ZNF10: variants seen among roughly 807,000 people sequenced by gnomAD.
ZNF10 encodes the protein zinc finger protein 10.
ZNF10 carries 8 observed loss-of-function variants against 12.2 expected under a neutral mutation model. The ratio of observed to expected loss-of-function variants is 0.66; its 90% CI spans 0.39 to 1.18. The LOEUF (loss-of-function observed/expected upper bound fraction) is 1.18. Ranked by LOEUF, ZNF10 falls within the 50% of genes most tolerant of loss-of-function variation. The pLI is 0.01. For missense variants in ZNF10, 603 were observed against 678.9 expected (o/e 0.89, Z 1.24); for synonymous variants, 229 against 228.2 (o/e 1.00, Z -0.03).
intron 2 of ZNF10, 138 bp from the exon 3 acceptor site, chr12:133,150,890 A>T: frequency 1.0e-6 from 1 of 967,884 alleles, no homozygotes; most frequent in Non-Finnish European, 1.5e-6. Flanking sequence ...AATACTACTC[A>T]CTCCTAGAAT....
intron 1 of ZNF10, among the ~76,000 whole-genome samples, chr12:133,142,360 A>T (rs1168348425): frequency 2.1e-5 from 3 of 144,322 alleles, no homozygotes; most frequent in Non-Finnish European, 4.5e-5. Flanking sequence ...CAGTGAACTG[A>T]GATCTTGCCA....
intron 1 of ZNF10, among the ~76,000 whole-genome samples, chr12:133,133,997 TAAAAGTA>T (rs1955895549): frequency 6.6e-6 from 1 of 151,976 alleles, no homozygotes; most frequent in African/African-American, 2.4e-5. Flanking sequence ...CAGGGGTCCT[TAAAAGTA>T]AAAGAGCTGG....
rs76124812 is a variant in ZNF10, at chr12:133,151,977, G to T, written c.256+73G>T. Reference sequence around the variant, plus strand: ...TGAGGTGCCAGAACTTCTAGAGATAGTGGTCACTGGCCCTCCTCACAGGCC... The same window carrying T: ...TGAGGTGCCAGAACTTCTAGAGATATTGGTCACTGGCCCTCCTCACAGGCC... On this transcript the variant is annotated intron_variant, in intron 4 of 4. Transcript: ENST00000248211. The T allele has an allele frequency of 3.7e-3, 4,433 of 1,202,090 alleles. 90 individuals carry two copies. The African/African-American group carries it at 0.058, about 16-fold the overall frequency. The allele number at this position is 1,202,090 out of a possible 1,614,324, so 74.5% of individuals were successfully genotyped here. A position where few individuals can be genotyped will look rare whatever the true frequency, so the allele number is the denominator to read the frequency against.
chr12:133,145,030 G>GCAA, intron 2 of ZNF10: 1 of 320,922 alleles, frequency 3.1e-6, no homozygotes, highest in Non-Finnish European at 6.1e-6. Context: ...CTACAGGCGT[G>GCAA]TGCCACTATG....
intron 4 of ZNF10, among the ~76,000 whole-genome samples, chr12:133,152,889 C>T (rs1956017223): frequency 1.3e-5 from 2 of 152,318 alleles, no homozygotes; most frequent in African/African-American, 2.4e-5. Context: ...GCCTCTTCCT[C>T]TTCTGAACTT....
intron 1 of ZNF10, among the ~76,000 whole-genome samples, chr12:133,133,798 A>T (rs1955894493): frequency 6.6e-6 from 1 of 152,186 alleles, no homozygotes. Flanking sequence ...TCTTGCCGAT[A>T]CTTGGAGCTT....
intron 4 of ZNF10, among the ~76,000 whole-genome samples, chr12:133,155,178 T>C (rs564668118): frequency 3.9e-5 from 6 of 152,260 alleles, no homozygotes; most frequent in Admixed American, 3.3e-4. Context: ...GAACTTAGAC[T>C]GTTAATATCT....
intron 1 of ZNF10, among the ~76,000 whole-genome samples, chr12:133,133,178 GC>G (rs1239961061): frequency 4.6e-5 from 7 of 152,082 alleles, no homozygotes; most frequent in African/African-American, 1.7e-4. Flanking sequence ...GTATATCTTT[GC>G]CATGTCTATT....
At chr12:133,132,269 A>ATTT (rs34602690) in intron 1 of ZNF10, among the ~76,000 whole-genome samples, 1 of 141,108 alleles carries the variant, frequency 7.1e-6, no homozygotes, top group South Asian at 2.2e-4. Context: ...AAATCTGAGA[A>ATTT]TTTTTTTTTT....
At chr12:133,145,234 TAAAC>T (rs1487777757) in intron 2 of ZNF10, among the ~76,000 whole-genome samples, 2 of 152,064 alleles carry the variant, frequency 1.3e-5, no homozygotes, top group African/African-American at 4.8e-5. Context: ...TTGAAAATAA[TAAAC>T]AACACAATTC....
intron 1 of ZNF10, among the ~76,000 whole-genome samples, chr12:133,142,579 A>G (rs541017084): frequency 1.9e-4 from 29 of 152,338 alleles, no homozygotes; most frequent in African/African-American, 6.7e-4. Flanking sequence ...ACACATGGCT[A>G]GTAAGCACAT....
At chr12:133,131,162 G>A (rs1955872715) in intron 1 of ZNF10, 1 of 152,056 alleles carries the variant, frequency 6.6e-6, no homozygotes, top group South Asian at 2.1e-4. Flanking sequence ...ATTCGTGTGT[G>A]GTCTTTTAAA....
rs1446470920 is a variant in ZNF10 at position 133,155,992 on chromosome 12, A to G, written c.746A>G (p.His249Arg). ...CCTGATAATGACAACTCTCTTACTC[A>G]TGGTTCATCTCTTGGTATATCAAAG... The part of the protein sequence containing the change: ...KCPDNDNSLT[H>R]GSSLGISKGI... Residue 249 changes from histidine (H) to arginine (R), a missense_variant, in exon 5 of 5, where the codon CAT (histidine) becomes CGT (arginine). Coordinates refer to ENST00000248211, the MANE Select transcript of ZNF10 (RefSeq NM_015394.5). 2.5e-6 allele frequency: 4 copies of G among 1,614,018 alleles called. No individual in the cohort carries two copies. The highest frequency in any genetic ancestry group is 2.2e-5 in the East Asian group (1 of 44,872).
intron 1 of ZNF10, 59 bp from the exon 2 acceptor site, chr12:133,144,375 C>A: frequency 9.7e-7 from 1 of 1,030,542 alleles, no homozygotes; most frequent in Non-Finnish European, 1.5e-6. Context: ...TTTAGACTGA[C>A]AATTTAGGGA....
At chr12:133,152,833 C>G (rs1956016948) in intron 4 of ZNF10, among the ~76,000 whole-genome samples, 1 of 152,204 alleles carries the variant, frequency 6.6e-6, no homozygotes. Flanking sequence ...AATTTAGCCT[C>G]AAGTTCTTTC....
rs937882840 is a variant in ZNF10, at chr12:133,158,371, A to G, written c.*1403A>G. The G allele has an allele frequency of 4.6e-5, 7 of 152,218 alleles. No individual in the cohort carries two copies. The highest frequency in any genetic ancestry group is 1.7e-4 in the African/African-American group (7 of 41,454). 9.4% of individuals were successfully genotyped at this position (152,218 alleles called of 1,614,324 possible). On this transcript the variant is annotated 3_prime_UTR_variant, in exon 5 of 5. Coordinates refer to ENST00000248211, the MANE Select transcript of ZNF10 (RefSeq NM_015394.5). Reference sequence around the variant, plus strand: ...GTTCTCACTTCCCTTACAGTCATACATGGTTTTTCCCTTTTGCCTAAATCA... The same window carrying G: ...GTTCTCACTTCCCTTACAGTCATACGTGGTTTTTCCCTTTTGCCTAAATCA...
chr12:133,150,126 G>A (rs6560921), intron 2 of ZNF10, among the ~76,000 whole-genome samples: 91,501 of 151,992 alleles, frequency 0.6, 28,504 homozygotes, highest in African/African-American at 0.72. Context: ...AAACAAATCT[G>A]TTATATTTAC....
intron 1 of ZNF10, among the ~76,000 whole-genome samples, chr12:133,138,305 GA>G (rs1376765514): frequency 6.6e-6 from 1 of 150,476 alleles, no homozygotes; most frequent in Non-Finnish European, 1.5e-5. Context: ...GTCTAAACCA[GA>G]AGCCTTACTG....
chr12:133,152,086 G>A (rs930546960), intron 4 of ZNF10, among the ~76,000 whole-genome samples, 182 bp downstream of exon 4: 2 of 152,196 alleles, frequency 1.3e-5, no homozygotes, highest in Admixed American at 1.3e-4. Flanking sequence ...AGAGGCAAAG[G>A]TTTCTCTGTC....
Sources: gnomAD v4.1 joint callset for allele counts (sites outside exome capture counted in the v4.1 genomes callset) on GRCh38, gnomAD v4.1.1 for gene constraint, MANE v1.5 for transcripts, NCBI Gene and HGNC (gene_info 2026-07-23, HGNC 2026-07-21) for gene names.